TENM2: variants seen among roughly 807,000 people sequenced by gnomAD.
TENM2 encodes teneurin transmembrane protein 2.
In TENM2, 52 loss-of-function variants were observed where a neutral mutation model predicts 245.2. That is an observed-to-expected ratio of 0.21 (90% CI 0.17 to 0.27). TENM2 has a LOEUF of 0.27. Among genes scored for constraint, TENM2 ranks in the 10% least tolerant of loss-of-function variants. TENM2 has a pLI of 1.00. For missense variants in TENM2, 3,046 were observed against 3,666.8 expected, an observed-to-expected ratio of 0.83 and a Z score of 4.37; for synonymous variants, 1,363 against 1,438.9, an observed-to-expected ratio of 0.95 and a Z score of 1.19.
chr5:167,900,674 G>A (rs1461755018), intron 3 of TENM2, among the ~76,000 whole-genome samples: 2 of 152,144 alleles, frequency 1.3e-5, no homozygotes, highest in Admixed American at 6.5e-5. Context: ...GTTTTCAAAC[G>A]GCTAATTTTC....
At position 167,862,781 on chromosome 5, in the gene TENM2, C is replaced by T. The variant is rs149176234; in HGVS notation, c.503-13205C>T. On this transcript the variant is annotated intron_variant, in intron 2 of 28. Transcript: ENST00000518659. ...TGGAGAAGGTGAGGAAGATGCAATT[C>T]GGGTTGTGAATTTCTGCTAGGGCAC... Among the ~76,000 whole-genome samples the T allele has an allele frequency of 3.2e-3, 483 of 152,284 alleles. 4 individuals carry two copies. The highest frequency in any genetic ancestry group is 0.011 in the African/African-American group (463 of 41,550).
At chr5:167,746,314 C>T (rs1488727090) in intron 2 of TENM2, among the ~76,000 whole-genome samples, 3 of 152,124 alleles carry the variant, frequency 2.0e-5, no homozygotes, top group Admixed American at 6.6e-5. Context: ...CACCCTAGGA[C>T]TTCATGTACA....
chr5:168,227,835 T>A, intron 24 of TENM2, 60 bp from the exon 27 acceptor site: 3 of 1,152,678 alleles, frequency 2.6e-6, no homozygotes, highest in Non-Finnish European at 3.7e-6. Context: ...TCTATTCTCT[T>A]CTGACTAATA....
At chr5:167,370,654 A>G (rs774343470) in intron 1 of TENM2, among the ~76,000 whole-genome samples, 12 of 152,282 alleles carry the variant, frequency 7.9e-5, no homozygotes, top group Non-Finnish European at 1.0e-4. Context: ...CAACAGCCAT[A>G]GAGCACATAC....
chr5:167,239,896 C>A, the TENM2 span, among the ~76,000 whole-genome samples: 1 of 152,138 alleles, frequency 6.6e-6, no homozygotes, highest in African/African-American at 2.4e-5. Context: ...CCTCAATCTC[C>A]CAAGTAGCTG....
chr5:167,005,778 C>T, the TENM2 span, among the ~76,000 whole-genome samples: 1 of 149,298 alleles, frequency 6.7e-6, no homozygotes, highest in Non-Finnish European at 1.5e-5. Context: ...TATCCTGCCT[C>T]AGCCTCCTGA....
At chr5:166,991,525 A>G in the TENM2 span, among the ~76,000 whole-genome samples, 1 of 152,158 alleles carries the variant, frequency 6.6e-6, no homozygotes, top group Non-Finnish European at 1.5e-5. Context: ...GAGAATACGT[A>G]TTATTTTTAA....
chr5:167,333,505 C>G (rs544087502), intron 1 of TENM2, among the ~76,000 whole-genome samples: 1 of 152,286 alleles, frequency 6.6e-6, no homozygotes, highest in South Asian at 2.1e-4. Flanking sequence ...GAGCCATGTT[C>G]TTCCAAAGTC....
chr5:168,189,515 A>G (rs1030190543), intron 13 of TENM2, among the ~76,000 whole-genome samples: 4 of 152,228 alleles, frequency 2.6e-5, no homozygotes, highest in African/African-American at 9.6e-5. Flanking sequence ...AGGCAAGTGC[A>G]TAATAATGTT....
the TENM2 span, among the ~76,000 whole-genome samples, chr5:167,084,465 A>T: frequency 6.7e-6 from 1 of 149,910 alleles, no homozygotes; most frequent in African/African-American, 2.4e-5. Flanking sequence ...AACAACAATA[A>T]TAATACATTC....
chr5:167,443,032 G>C (rs1309141208), intron 2 of TENM2, among the ~76,000 whole-genome samples: 1 of 152,176 alleles, frequency 6.6e-6, no homozygotes, highest in Non-Finnish European at 1.5e-5. Flanking sequence ...AGTGTGTACA[G>C]AAGTTTGCCA....
intron 17 of TENM2, among the ~76,000 whole-genome samples, chr5:168,203,487 G>A (rs771834559): frequency 1.3e-4 from 20 of 152,162 alleles, no homozygotes; most frequent in Non-Finnish European, 2.4e-4. Flanking sequence ...AAAGTTTCAA[G>A]GTTGAGTTCA....
chr5:167,133,016 A>G, the TENM2 span, among the ~76,000 whole-genome samples: 1 of 152,216 alleles, frequency 6.6e-6, no homozygotes, highest in African/African-American at 2.4e-5. Flanking sequence ...TTGAAAAGCA[A>G]GAAGACAGAG....
At chr5:167,646,179 TATATATATATATGTTGTTTTC>T (rs1352258377) in intron 2 of TENM2, among the ~76,000 whole-genome samples, 216 of 64,642 alleles carry the variant, frequency 3.3e-3, no homozygotes, top group Middle Eastern at 0.032. Context: ...GTTGTTTTCA[TATATATATATATGTTGTTTTC>T]ATATATATAT....
At position 167,865,639 on chromosome 5, in the gene TENM2, C is replaced by T. The variant is rs1444099711; in HGVS notation, c.503-10347C>T. The stretch of plus-strand genomic sequence containing the variant: ...AAAATTAACCAAAAAAATGTGGTCG[C>T]GCTACCATGCCTGAAAATCCCTTGC... On this transcript the variant is annotated intron_variant, in intron 2 of 28. Coordinates refer to ENST00000518659, the Ensembl canonical transcript of TENM2. Among the ~76,000 whole-genome samples the T allele has an allele frequency of 3.3e-5, 5 of 151,928 alleles. No individual in the cohort carries two copies. The South Asian group carries it at 6.2e-4, about 19-fold the overall frequency.
intron 2 of TENM2, among the ~76,000 whole-genome samples, chr5:167,694,239 G>A (rs1158611161): frequency 6.6e-6 from 1 of 152,114 alleles, no homozygotes; most frequent in East Asian, 1.9e-4. Flanking sequence ...CAGTAAGAGA[G>A]GGCTGGTTCT....
At chr5:167,604,845 G>A (rs1391487855) in intron 2 of TENM2, among the ~76,000 whole-genome samples, 3 of 152,270 alleles carry the variant, frequency 2.0e-5, no homozygotes, top group Admixed American at 6.5e-5. Flanking sequence ...GGTGGTAAAG[G>A]CACCATGAAT....
At chr5:168,098,557 A>T (rs1194864509) in intron 9 of TENM2, among the ~76,000 whole-genome samples, 3 of 152,142 alleles carry the variant, frequency 2.0e-5, no homozygotes, top group Non-Finnish European at 1.5e-5. Flanking sequence ...AATCGGTTTT[A>T]AATTGTATTA....
the TENM2 span, among the ~76,000 whole-genome samples, chr5:167,279,088 G>C: frequency 6.6e-5 from 10 of 152,120 alleles, no homozygotes; most frequent in African/African-American, 2.4e-4. Context: ...TTCAGTACTT[G>C]AAAAATGTTT....
Sources: gnomAD v4.1 joint callset for allele counts (sites outside exome capture counted in the v4.1 genomes callset) on GRCh38, gnomAD v4.1.1 for gene constraint, MANE v1.5 for transcripts, NCBI Gene and HGNC (gene_info 2026-07-23, HGNC 2026-07-21) for gene names.